The following VWA8 variants were observed in gnomAD, a reference collection of about 807,000 sequenced individuals.
VWA8 encodes von Willebrand factor A domain-containing protein 8.
A neutral mutation model predicts 241.5 loss-of-function variants in VWA8; 221 were observed. The observed-to-expected ratio is 0.91, with a 90% CI of 0.82 to 1.02. The LOEUF (loss-of-function observed/expected upper bound fraction) is 1.02. Ranked by LOEUF, VWA8 falls within the 50% of genes least tolerant of loss-of-function variation. The pLI is 0.00. For synonymous variants in VWA8, 852 were observed against 827.1 expected (o/e 1.03, Z -0.52); for missense variants, 2,322 against 2,328.7 (o/e 1.00, Z 0.06).
chr13:41,930,700 G>A (rs372028287), intron 2 of VWA8, among the ~76,000 whole-genome samples: 34 of 152,286 alleles, frequency 2.2e-4, no homozygotes, highest in East Asian at 9.7e-4. Context: ...TTCAGGCTAC[G>A]TGTATAAGAT....
chr13:41,952,513 T>A (rs1053443736), intron 1 of VWA8, among the ~76,000 whole-genome samples: 1 of 152,230 alleles, frequency 6.6e-6, no homozygotes, highest in Non-Finnish European at 1.5e-5. Flanking sequence ...TATTTTCAAA[T>A]AGGATGTCTT....
At chr13:41,784,033 G>T in intron 18 of VWA8, 132 bp from the exon 19 acceptor site, 3 of 648,454 alleles carry the variant, frequency 4.6e-6, no homozygotes, top group Non-Finnish European at 5.3e-6. Flanking sequence ...GAAATAAGCT[G>T]GAGAGTAGTA....
Position 41,581,014 on chromosome 13 carries a change from T to TA in VWA8, c.5272-5177_5272-5176insT, listed in dbSNP as rs199691927. On this transcript the variant is annotated intron_variant, in intron 42 of 44. Transcript: ENST00000379310. Reference sequence around the variant, plus strand: ...TATTTTATTTTATTTTATTTTATTTTTTTTTGAGACGGAGTCTCGCTGTCG... The same window carrying TA: ...TATTTTATTTTATTTTATTTTATTTTATTTTTGAGACGGAGTCTCGCTGTCG... Among the ~76,000 whole-genome samples the TA allele has an allele frequency of 9.1e-5, 7 of 76,506 alleles. 3 individuals are homozygous for TA. In the African/African-American group the frequency reaches 9.2e-4, roughly 10 times the overall value. The allele number at this position is 76,506 out of a possible 152,430, so 50.2% of individuals were successfully genotyped here. A position where few individuals can be genotyped will look rare whatever the true frequency, so the allele number is the denominator to read the frequency against.
chr13:41,941,735 C>T (rs1877607800), intron 2 of VWA8, among the ~76,000 whole-genome samples: 1 of 152,170 alleles, frequency 6.6e-6, no homozygotes, highest in Admixed American at 6.5e-5. Flanking sequence ...GAGCACTAAG[C>T]ACCAGGCAGT....
chr13:41,902,100 G>C (rs1042553692), intron 4 of VWA8, among the ~76,000 whole-genome samples: 1 of 151,356 alleles, frequency 6.6e-6, no homozygotes, highest in African/African-American at 2.4e-5. Flanking sequence ...GTGGTTATTT[G>C]TACTAGTGAA....
chr13:41,806,574 G>A (rs929292553), intron 17 of VWA8, among the ~76,000 whole-genome samples: 6 of 151,872 alleles, frequency 4.0e-5, no homozygotes, highest in Non-Finnish European at 8.8e-5. Context: ...ATGGTGGCAC[G>A]TGCCTGTAGT....
chr13:41,770,284 C>CA (rs1296315827), intron 20 of VWA8, among the ~76,000 whole-genome samples: 1 of 151,176 alleles, frequency 6.6e-6, no homozygotes, highest in Admixed American at 6.6e-5. Flanking sequence ...ACTAAAAATA[C>CA]AAAAAAATTA....
intron 26 of VWA8, among the ~76,000 whole-genome samples, chr13:41,709,764 TCTCTC>T (rs2045304598): frequency 1.4e-5 from 2 of 142,036 alleles, no homozygotes; most frequent in Non-Finnish European, 3.1e-5. Flanking sequence ...TCTCTCTGTC[TCTCTC>T]TCTTTTTTTT....
At chr13:41,916,516 A>G (rs971436690) in intron 2 of VWA8, among the ~76,000 whole-genome samples, 4 of 152,226 alleles carry the variant, frequency 2.6e-5, no homozygotes, top group African/African-American at 9.6e-5. Flanking sequence ...TTAAAATTTC[A>G]AAGTTATTTT....
chr13:41,596,960 G>C (rs2044492666), intron 40 of VWA8, among the ~76,000 whole-genome samples: 1 of 151,708 alleles, frequency 6.6e-6, no homozygotes. Flanking sequence ...GCTTATTTGG[G>C]TTATGATTAA....
rs372589058 is a variant in VWA8 at position 41,946,654 on chromosome 13, A to T, written c.241+3282T>A. 2.5e-3 allele frequency among the ~76,000 whole-genome samples: 357 copies of T among 143,684 alleles called. 3 individuals are homozygous for T. Among genetic ancestry groups the T allele is most frequent in the African/African-American group, 7.2e-3 (284 of 39,536 alleles). The allele number at this position is 143,684 out of a possible 152,430, so 94.3% of individuals were successfully genotyped here. The stretch of plus-strand genomic sequence containing the variant: ...TAGGATGACCACTAACAAAATAATT[A>T]AAAAAAAAAAAAGAGTAGTAAAAGA... On this transcript the variant is annotated intron_variant, in intron 2 of 44. Coordinates refer to ENST00000379310, the MANE Select transcript of VWA8 (RefSeq NM_015058.2).
chr13:41,709,122 G>A (rs2045300844), intron 26 of VWA8, among the ~76,000 whole-genome samples: 1 of 152,108 alleles, frequency 6.6e-6, no homozygotes, highest in Admixed American at 6.5e-5. Context: ...TTTCTCACAA[G>A]GACTCACGGA....
At chr13:41,904,030 A>G (rs771756463) in intron 4 of VWA8, among the ~76,000 whole-genome samples, 1 of 152,208 alleles carries the variant, frequency 6.6e-6, no homozygotes, top group African/African-American at 2.4e-5. Flanking sequence ...CCAACAAAAC[A>G]TAAGAGTGTA....
intron 26 of VWA8, among the ~76,000 whole-genome samples, chr13:41,717,628 C>G (rs2045356030): frequency 6.6e-6 from 1 of 151,906 alleles, no homozygotes. Context: ...TCTCTAAGTA[C>G]AAGGCTGATA....
At chr13:41,881,888 G>A (rs1874230411) in intron 9 of VWA8, among the ~76,000 whole-genome samples, 1 of 148,504 alleles carries the variant, frequency 6.7e-6, no homozygotes, top group East Asian at 2.1e-4. Flanking sequence ...GGACGGGGCG[G>A]CTGGCCTGGC....
intron 36 of VWA8, 47 bp downstream of exon 36, chr13:41,675,168 C>A: frequency 7.1e-7 from 1 of 1,407,486 alleles, no homozygotes; most frequent in South Asian, 1.2e-5. Flanking sequence ...AGAATTTACT[C>A]ATTTTTTATG....
At chr13:41,794,049 A>T (rs1869576756) in intron 17 of VWA8, among the ~76,000 whole-genome samples, 1 of 151,640 alleles carries the variant, frequency 6.6e-6, no homozygotes, top group Admixed American at 6.6e-5. Context: ...GTAGCCTTGT[A>T]ATATAGTTTG....
chr13:41,610,975 G>A (rs2139660361), intron 39 of VWA8, among the ~76,000 whole-genome samples: 1 of 152,172 alleles, frequency 6.6e-6, no homozygotes, highest in East Asian at 1.9e-4. Context: ...CCCTCCTCCC[G>A]AGCTGGTACC....
intron 9 of VWA8, among the ~76,000 whole-genome samples, chr13:41,879,192 C>T (rs549017437): frequency 6.6e-6 from 1 of 152,056 alleles, no homozygotes; most frequent in South Asian, 2.1e-4. Context: ...TCTCTTTTTC[C>T]CCAGCACCTG....
Sources: allele counts gnomAD v4.1 joint callset (sites outside exome capture counted in the v4.1 genomes callset), GRCh38; gene constraint gnomAD v4.1.1; transcripts MANE v1.5; gene names NCBI Gene and HGNC (gene_info 2026-07-23, HGNC 2026-07-21).